Variants in CAPN9 observed in about 807,000 individuals in gnomAD.
CAPN9 encodes calpain-9.
Under a neutral mutation model 92.8 loss-of-function variants are expected in CAPN9, and 81 were observed. The observed-to-expected ratio is 0.87, with a 90% CI of 0.73 to 1.05. The LOEUF is 1.05. Among genes scored for constraint, CAPN9 ranks in the 50% least tolerant of loss-of-function variants. The pLI, the probability that CAPN9 is intolerant of heterozygous loss-of-function variation, is 0.00. For missense variants in CAPN9, 848 were observed against 866.2 expected (o/e 0.98, Z 0.26); for synonymous variants, 304 against 328.0 (o/e 0.93, Z 0.79).
chr1:230,783,286 T>C (rs1453419923), intron 11 of CAPN9, among the ~76,000 whole-genome samples: 1 of 152,226 alleles, frequency 6.6e-6, no homozygotes, highest in Non-Finnish European at 1.5e-5. Context: ...TAACTTCTTT[T>C]AGTTTCATAA....
intron 3 of CAPN9, 64 bp from the exon 4 acceptor site, chr1:230,762,589 A>T: frequency 6.3e-7 from 1 of 1,577,700 alleles, no homozygotes; most frequent in Non-Finnish European, 8.6e-7. Flanking sequence ...CAACATTTAC[A>T]AACAGGGCCT....
At position 230,798,204 on chromosome 1, in the gene CAPN9, A is replaced by G. The variant is rs375166270; in HGVS notation, c.2030A>G (p.His677Arg). The G allele has an allele frequency of 8.6e-5, 138 of 1,612,132 alleles. No homozygotes were observed. The highest frequency in any genetic ancestry group is 2.0e-4 in the Admixed American group (12 of 59,990). ...ALSTKNKEFIHLNINEFIHLT... is the reference protein window; with the variant it reads ...ALSTKNKEFIRLNINEFIHLT... ...AGTACAAAGAACAAGGAGTTCATTC[A>G]TCTCAATATAAATGAGGTATGGCCA... Residue 677 changes from histidine to arginine, a missense_variant, in exon 19 of 20, where the codon CAT becomes CGT. Coordinates refer to ENST00000271971, the MANE Select transcript of CAPN9 (RefSeq NM_006615.3).
Position 230,780,666 on chromosome 1 carries a change from A to G in CAPN9, c.1439A>G (p.Asp480Gly). ...PSTFEPHQEA[D>G]FCLRIFSEKK... Reference sequence around the variant, plus strand: ...ACTTTTGAGCCCCACCAGGAAGCTGATTTCTGTCTGAGAATCTTTTCAGAG... The same window carrying G: ...ACTTTTGAGCCCCACCAGGAAGCTGGTTTCTGTCTGAGAATCTTTTCAGAG... Residue 480 changes from aspartate (D) to glycine (G), a missense_variant, in exon 11 of 20, where the codon GAT (aspartate) becomes GGT (glycine). By Grantham distance (94) the Asp-to-Gly change is moderately conservative. Coordinates refer to ENST00000271971, the MANE Select transcript of CAPN9 (RefSeq NM_006615.3). 6.2e-7 allele frequency: 1 copy of G among 1,614,100 alleles called. No individual in the cohort carries two copies. The highest frequency in any genetic ancestry group is 8.5e-7 in the Non-Finnish European group (1 of 1,179,994).
chr1:230,769,632 T>G lies in CAPN9; in HGVS notation c.789+369T>G, dbSNP rs866853196. Among the ~76,000 whole-genome samples, 28 of 70,860 alleles carry G rather than the reference T, an allele frequency of 4.0e-4. No homozygotes were observed. In the South Asian group the frequency reaches 7.1e-3, roughly 18 times the overall value. 46.5% of individuals were successfully genotyped at this position (70,860 alleles called of 152,430 possible). ...ACACACACACCTATCTATCTATCTA[T>G]CTATCTATCTATCTATCTATCTATC... On this transcript the variant is annotated intron_variant, in intron 6 of 19. Coordinates refer to ENST00000271971, the MANE Select transcript of CAPN9 (RefSeq NM_006615.3).
At chr1:230,788,866 T>C (rs1293061630) in intron 13 of CAPN9, among the ~76,000 whole-genome samples, 1 of 152,138 alleles carries the variant, frequency 6.6e-6, no homozygotes, top group Admixed American at 6.5e-5. Context: ...AGTTGTCAGA[T>C]GGAGATCCAG....
intron 19 of CAPN9, among the ~76,000 whole-genome samples, chr1:230,799,575 A>T (rs998759542): frequency 6.6e-6 from 1 of 152,194 alleles, no homozygotes; most frequent in Non-Finnish European, 1.5e-5. Flanking sequence ...GTATCTCAAA[A>T]ATATTAGCTA....
intron 6 of CAPN9, among the ~76,000 whole-genome samples, chr1:230,770,544 G>A (rs952118849): frequency 5.3e-5 from 8 of 152,200 alleles, no homozygotes; most frequent in African/African-American, 1.9e-4. Context: ...TCCCATTCTT[G>A]TAGCTGTAGC....
chr1:230,795,963 A>G (rs1668324587), intron 18 of CAPN9, among the ~76,000 whole-genome samples: 3 of 148,518 alleles, frequency 2.0e-5, no homozygotes, highest in Non-Finnish European at 3.0e-5. Context: ...CCGCATTTCC[A>G]TTTTGTCCTG....
rs771996294 is a variant in CAPN9 at position 230,759,604 on chromosome 1, G to A, written c.376G>A (p.Gly126Ser). ...CCCCCAGGACCAAAGCTTTGGCCCTGGTTATGCCGGGATATTCCATTTCCA... is the reference window on the plus strand; with the variant it reads ...CCCCCAGGACCAAAGCTTTGGCCCTAGTTATGCCGGGATATTCCATTTCCA... ...VIPQDQSFGP[G>S]YAGIFHFQFW... Residue 126 changes from glycine (G) to serine (S), a missense_variant, in exon 3 of 20, where the codon GGT (glycine) becomes AGT (serine). Transcript: ENST00000271971. 63 of 1,607,014 alleles carry A rather than the reference G, an allele frequency of 3.9e-5. No homozygotes were observed. The highest frequency in any genetic ancestry group is 5.2e-5 in the Non-Finnish European group (61 of 1,177,414).
At chr1:230,794,357 T>C (rs1355335810) in intron 17 of CAPN9, among the ~76,000 whole-genome samples, 1 of 152,082 alleles carries the variant, frequency 6.6e-6, no homozygotes, top group Non-Finnish European at 1.5e-5. Flanking sequence ...GGCAGGTGCC[T>C]GTAGTCCCAG....
intron 1 of CAPN9, among the ~76,000 whole-genome samples, chr1:230,750,112 G>C (rs1159184242): frequency 6.6e-6 from 1 of 152,124 alleles, no homozygotes; most frequent in Non-Finnish European, 1.5e-5. Context: ...GTCTTCCTTA[G>C]TATTATCTCC....
At chr1:230,793,544 C>A (rs1668148499) in intron 17 of CAPN9, among the ~76,000 whole-genome samples, 2 of 152,222 alleles carry the variant, frequency 1.3e-5, no homozygotes, top group African/African-American at 2.4e-5. Flanking sequence ...ATGTCCTGCA[C>A]ACACAACCGT....
At chr1:230,790,079 C>CTA in intron 13 of CAPN9, 53 bp from the exon 14 acceptor site, 1 of 1,473,582 alleles carries the variant, frequency 6.8e-7, no homozygotes, top group Non-Finnish European at 9.5e-7. Flanking sequence ...CAAAAATAAA[C>CTA]TATAAAAGAA....
intron 14 of CAPN9, chr1:230,790,481 G>A: frequency 5.6e-6 from 1 of 178,034 alleles, no homozygotes; most frequent in Non-Finnish European, 1.1e-5. Flanking sequence ...GTATGTACAT[G>A]TGTGTCATAT....
intron 11 of CAPN9, among the ~76,000 whole-genome samples, chr1:230,781,170 C>T (rs920622040): frequency 6.6e-6 from 1 of 152,090 alleles, no homozygotes; most frequent in Admixed American, 6.6e-5. Context: ...CGCCAGGCTG[C>T]AGGACACTTT....
chr1:230,783,789 A>C (rs1488669135), intron 11 of CAPN9, among the ~76,000 whole-genome samples: 2 of 152,256 alleles, frequency 1.3e-5, no homozygotes, highest in Non-Finnish European at 2.9e-5. Context: ...AGTAGATAAC[A>C]GGCAGAGGTT....
intron 14 of CAPN9, 198 bp downstream of exon 14, chr1:230,790,387 A>C (rs1235498086): frequency 1.1e-6 from 1 of 872,714 alleles, no homozygotes; most frequent in East Asian, 1.2e-4. Flanking sequence ...AATTCTTAAA[A>C]ATGCAGAAAA....
rs757475320 is a variant in CAPN9 at position 230,753,087 on chromosome 1, C to G, written c.214-2250C>G. On this transcript the variant is annotated intron_variant, in intron 1 of 19. Transcript: ENST00000271971. ...TTCCTACAGATGAGAGGGGTCCGCACAGGCAAGCCAAGCCAGGACCCCAGA... is the reference window on the plus strand; with the variant it reads ...TTCCTACAGATGAGAGGGGTCCGCAGAGGCAAGCCAAGCCAGGACCCCAGA... Among the ~76,000 whole-genome samples the G allele has an allele frequency of 2.0e-5, 3 of 152,284 alleles. No homozygotes were observed. In the East Asian group the frequency reaches 5.8e-4, roughly 29 times the overall value.
At chr1:230,749,163 C>T (rs1382888800) in intron 1 of CAPN9, among the ~76,000 whole-genome samples, 2 of 152,224 alleles carry the variant, frequency 1.3e-5, no homozygotes, top group Admixed American at 1.3e-4. Flanking sequence ...GTGGCCCTAT[C>T]GGAGTTGGGG....
Sources: gnomAD v4.1 joint callset for allele counts (sites outside exome capture counted in the v4.1 genomes callset) on GRCh38, gnomAD v4.1.1 for gene constraint, MANE v1.5 for transcripts, NCBI Gene and HGNC (gene_info 2026-07-23, HGNC 2026-07-21) for gene names.